Variants in KCNQ3 observed in about 807,000 individuals in gnomAD.
The protein encoded by KCNQ3 is potassium voltage-gated channel subfamily Q member 3.
In KCNQ3, 30 loss-of-function variants were observed where a neutral mutation model predicts 92.5. That is an observed-to-expected ratio of 0.32 (90% CI 0.24 to 0.44). KCNQ3 has a LOEUF of 0.44. Ranked by LOEUF, KCNQ3 falls within the 20% of genes least tolerant of loss-of-function variation. KCNQ3 has a pLI of 1.00. For synonymous variants in KCNQ3, 450 were observed against 468.8 expected (o/e 0.96, Z 0.52); for missense variants, 913 against 1,140.3 (o/e 0.80, Z 2.87).
chr8:132,464,726 C>T (rs536645466), intron 1 of KCNQ3, among the ~76,000 whole-genome samples: 1 of 152,336 alleles, frequency 6.6e-6, no homozygotes, highest in African/African-American at 2.4e-5. Context: ...ACAGTGTTGA[C>T]AACTTTTCGT....
At chr8:132,231,825 A>T (rs1431948066) in intron 1 of KCNQ3, among the ~76,000 whole-genome samples, 1 of 152,232 alleles carries the variant, frequency 6.6e-6, no homozygotes, top group African/African-American at 2.4e-5. Context: ...AATGATCATT[A>T]GGTCTTTCCT....
intron 1 of KCNQ3, among the ~76,000 whole-genome samples, chr8:132,257,127 T>C (rs1344488873): frequency 1.3e-5 from 2 of 152,132 alleles, no homozygotes; most frequent in Non-Finnish European, 2.9e-5. Context: ...AATGGAGCTA[T>C]ATAGGAGCAA....
chr8:132,150,947 G>A (rs1299998344), intron 9 of KCNQ3, among the ~76,000 whole-genome samples: 2 of 150,464 alleles, frequency 1.3e-5, no homozygotes, highest in East Asian at 2.0e-4. Flanking sequence ...AATTTCACGT[G>A]GCTTTAATCG....
chr8:132,297,075 CA>C (rs1817055105), intron 1 of KCNQ3, among the ~76,000 whole-genome samples: 1 of 152,120 alleles, frequency 6.6e-6, no homozygotes, highest in Non-Finnish European at 1.5e-5. Flanking sequence ...TTTTAATGAT[CA>C]CCATTCTAAC....
intron 1 of KCNQ3, among the ~76,000 whole-genome samples, chr8:132,283,972 T>G (rs1317851641): frequency 6.6e-6 from 1 of 152,172 alleles, no homozygotes; most frequent in Non-Finnish European, 1.5e-5. Context: ...TGTTTGGCCC[T>G]AGGTATAAAG....
intron 1 of KCNQ3, among the ~76,000 whole-genome samples, chr8:132,239,956 C>T (rs897956174): frequency 6.6e-6 from 1 of 152,208 alleles, no homozygotes; most frequent in Non-Finnish European, 1.5e-5. Context: ...CAATCACGGC[C>T]TTTGAGGCAC....
chr8:132,310,753 G>A (rs183184980), intron 1 of KCNQ3, among the ~76,000 whole-genome samples: 87 of 152,290 alleles, frequency 5.7e-4, no homozygotes, highest in African/African-American at 2.1e-3. Flanking sequence ...GAGCTGAGTG[G>A]TCTCTGTTTT....
chr8:132,211,504 C>T (rs1048858911), intron 1 of KCNQ3, among the ~76,000 whole-genome samples: 21 of 152,190 alleles, frequency 1.4e-4, no homozygotes, highest in African/African-American at 5.1e-4. Flanking sequence ...TAGTTCAATA[C>T]TCTGATCTAT....
chr8:132,132,353 G>A (rs1350853418), intron 13 of KCNQ3, 89 bp from the exon 14 acceptor site: 2 of 955,510 alleles, frequency 2.1e-6, no homozygotes, highest in Non-Finnish European at 3.4e-6. Flanking sequence ...GGCCAACAGA[G>A]CCATCGTTCT....
At position 132,291,522 on chromosome 8, in the gene KCNQ3, G is replaced by A. The variant is rs143122344; in HGVS notation, c.387-105341C>T. Among the ~76,000 whole-genome samples the A allele has an allele frequency of 1.5e-3, 225 of 152,258 alleles. 1 individual carries two copies. Among genetic ancestry groups the A allele is most frequent in the African/African-American group, 5.2e-3 (215 of 41,538 alleles). The stretch of plus-strand genomic sequence containing the variant: ...GTGCTTAATTTTTATGCCTCTGCTA[G>A]ACTTCTTGGACATATTTCTGAACCA... On this transcript the variant is annotated intron_variant, in intron 1 of 14. Transcript: ENST00000388996.
intron 1 of KCNQ3, among the ~76,000 whole-genome samples, chr8:132,423,632 AAAGG>A (rs1821030133): frequency 1.3e-5 from 2 of 152,164 alleles, no homozygotes; most frequent in African/African-American, 4.8e-5. Flanking sequence ...AATCACTAAC[AAAGG>A]AAGGCACATT....
chr8:132,219,659 G>A (rs2130331386), intron 1 of KCNQ3, among the ~76,000 whole-genome samples: 1 of 150,798 alleles, frequency 6.6e-6, no homozygotes, highest in South Asian at 2.1e-4. Flanking sequence ...CAATCACTTT[G>A]AACTATTTAA....
intron 1 of KCNQ3, among the ~76,000 whole-genome samples, chr8:132,241,812 C>G (rs924201486): frequency 6.6e-6 from 1 of 151,888 alleles, no homozygotes; most frequent in Non-Finnish European, 1.5e-5. Context: ...CCAGCCTGGG[C>G]GACAAGAGCG....
intron 1 of KCNQ3, among the ~76,000 whole-genome samples, chr8:132,207,016 CTA>C (rs1450877567): frequency 4.6e-5 from 7 of 152,188 alleles, no homozygotes; most frequent in Non-Finnish European, 5.9e-5. Flanking sequence ...AAGCAACATT[CTA>C]TGACATCAGT....
intron 1 of KCNQ3, among the ~76,000 whole-genome samples, chr8:132,214,738 A>G (rs1813970252): frequency 6.6e-6 from 1 of 152,226 alleles, no homozygotes; most frequent in Non-Finnish European, 1.5e-5. Flanking sequence ...CTCCCCTACA[A>G]ATCTGCCAGG....
intron 1 of KCNQ3, among the ~76,000 whole-genome samples, chr8:132,208,974 C>T (rs928065611): frequency 1.3e-5 from 2 of 152,100 alleles, no homozygotes; most frequent in African/African-American, 4.8e-5. Context: ...GCATTTTGGC[C>T]TCTGGGCTAT....
chr8:132,141,443 G>T, intron 9 of KCNQ3, 112 bp from the exon 10 acceptor site: 1 of 917,944 alleles, frequency 1.1e-6, no homozygotes, highest in Non-Finnish European at 1.7e-6. Flanking sequence ...TGGGGACCGT[G>T]CATTTCACAG....
intron 1 of KCNQ3, among the ~76,000 whole-genome samples, chr8:132,405,381 C>T (rs1323581573): frequency 6.6e-6 from 1 of 152,240 alleles, no homozygotes; most frequent in African/African-American, 2.4e-5. Flanking sequence ...CTCACCTTTC[C>T]TCCAGCACCC....
intron 1 of KCNQ3, among the ~76,000 whole-genome samples, chr8:132,453,477 CTG>C (rs971669655): frequency 1.3e-4 from 20 of 152,256 alleles, no homozygotes; most frequent in African/African-American, 4.8e-4. Flanking sequence ...GGCACAGACT[CTG>C]TGTATCTTCG....
Sources: allele counts gnomAD v4.1 joint callset (sites outside exome capture counted in the v4.1 genomes callset), GRCh38; gene constraint gnomAD v4.1.1; transcripts MANE v1.5; gene names NCBI Gene and HGNC (gene_info 2026-07-23, HGNC 2026-07-21).